TRAPPC9: variants seen among roughly 807,000 people sequenced by gnomAD.
TRAPPC9 encodes the protein IKK2 binding protein.
A neutral mutation model predicts 124.0 loss-of-function variants in TRAPPC9; 83 were observed. That is an observed-to-expected ratio of 0.67 (90% CI 0.56 to 0.80). TRAPPC9 has a LOEUF of 0.80. Ranked by LOEUF, TRAPPC9 falls within the 30% of genes least tolerant of loss-of-function variation. The probability of loss-of-function intolerance (pLI) is 0.00; values close to 1 mark genes in which losing one functional copy is unlikely to be tolerated. For missense variants in TRAPPC9, 1,302 were observed against 1,508.3 expected (o/e 0.86, Z 2.27); for synonymous variants, 638 against 617.5 (o/e 1.03, Z -0.49).
chr8:140,117,276 T>C (rs2060905701), intron 17 of TRAPPC9, among the ~76,000 whole-genome samples: 2 of 152,222 alleles, frequency 1.3e-5, no homozygotes, highest in Admixed American at 6.5e-5. Context: ...ACAGTAGTCA[T>C]GTCTTAGTCT....
intron 17 of TRAPPC9, among the ~76,000 whole-genome samples, chr8:140,057,812 A>C (rs572452234): frequency 1.3e-5 from 2 of 152,336 alleles, no homozygotes; most frequent in South Asian, 4.1e-4. Context: ...AAATTTGTTA[A>C]AAACCATCTC....
intron 21 of TRAPPC9, among the ~76,000 whole-genome samples, chr8:139,809,934 G>A (rs113441473): frequency 3.8e-4 from 58 of 152,220 alleles, no homozygotes; most frequent in African/African-American, 1.3e-3. Context: ...CCTGACTCCT[G>A]TGTGCGCTGA....
chr8:140,272,116 A>AATGATGATGGTGGTG (rs1554657918), intron 15 of TRAPPC9, among the ~76,000 whole-genome samples: 1 of 120,118 alleles, frequency 8.3e-6, no homozygotes. Context: ...TGGTGGTGGC[A>AATGATGATGGTGGTG]ATGGTGATGG....
intron 17 of TRAPPC9, among the ~76,000 whole-genome samples, chr8:140,190,087 A>G (rs1200315396): frequency 6.6e-6 from 1 of 152,222 alleles, no homozygotes; most frequent in Non-Finnish European, 1.5e-5. Context: ...CCACTGTCCT[A>G]TACCAGGAGC....
intron 21 of TRAPPC9, among the ~76,000 whole-genome samples, chr8:139,830,372 CAT>C (rs1424241537): frequency 6.6e-6 from 1 of 151,856 alleles, no homozygotes; most frequent in Non-Finnish European, 1.5e-5. Context: ...ACACGCTACA[CAT>C]ACACACACAT....
At chr8:140,343,619 C>CA (rs2132072752) in intron 9 of TRAPPC9, among the ~76,000 whole-genome samples, 1 of 152,274 alleles carries the variant, frequency 6.6e-6, no homozygotes, top group South Asian at 2.1e-4. Context: ...CAGAAACAGA[C>CA]AAAGACCCAC....
At chr8:140,221,020 T>C (rs1380589508) in intron 17 of TRAPPC9, among the ~76,000 whole-genome samples, 1 of 152,214 alleles carries the variant, frequency 6.6e-6, no homozygotes, top group East Asian at 1.9e-4. Context: ...GGCACGTAGC[T>C]TTGCACTGAC....
intron 17 of TRAPPC9, among the ~76,000 whole-genome samples, chr8:140,059,903 A>G (rs989767304): frequency 1.3e-5 from 2 of 152,170 alleles, no homozygotes; most frequent in African/African-American, 4.8e-5. Context: ...TTAAATTCTT[A>G]AGCATAATTC....
chr8:139,842,938 A>C (rs1287096803), intron 21 of TRAPPC9, among the ~76,000 whole-genome samples: 1 of 152,256 alleles, frequency 6.6e-6, no homozygotes, highest in Non-Finnish European at 1.5e-5. Flanking sequence ...AGGTCCGGGC[A>C]GGTGAAGGAA....
chr8:140,107,526 G>A (rs944515672), intron 17 of TRAPPC9, among the ~76,000 whole-genome samples: 3 of 152,342 alleles, frequency 2.0e-5, no homozygotes, highest in South Asian at 2.1e-4. Flanking sequence ...ATGTAGCCAA[G>A]CCGTCCAGAA....
At chr8:140,090,222 G>C (rs549194867) in intron 17 of TRAPPC9, among the ~76,000 whole-genome samples, 4 of 152,158 alleles carry the variant, frequency 2.6e-5, no homozygotes, top group African/African-American at 4.8e-5. Context: ...GAGTGTGTCT[G>C]TATGAATTCA....
chr8:140,435,965 T>G (rs948332527), intron 3 of TRAPPC9, among the ~76,000 whole-genome samples: 1 of 152,230 alleles, frequency 6.6e-6, no homozygotes. Context: ...ACAAAGAGCT[T>G]TTTTTGTGAT....
At chr8:140,424,805 G>A (rs1029826386) in intron 5 of TRAPPC9, among the ~76,000 whole-genome samples, 2 of 152,106 alleles carry the variant, frequency 1.3e-5, no homozygotes, top group South Asian at 2.1e-4. Flanking sequence ...AGGAGCCCCC[G>A]AAAACCGTGA....
chr8:140,319,864 G>T (rs1184185987), intron 9 of TRAPPC9, among the ~76,000 whole-genome samples: 1 of 152,204 alleles, frequency 6.6e-6, no homozygotes, highest in South Asian at 2.1e-4. Context: ...GATCAGAAAT[G>T]ATTTACGGCC....
chr8:139,827,513 C>G (rs115229725), intron 21 of TRAPPC9, among the ~76,000 whole-genome samples: 1 of 152,206 alleles, frequency 6.6e-6, no homozygotes, highest in Non-Finnish European at 1.5e-5. Flanking sequence ...CCACAGAGAC[C>G]GCGTTGGCTT....
intron 12 of TRAPPC9, among the ~76,000 whole-genome samples, chr8:140,290,658 T>C (rs1220576660): frequency 2.0e-5 from 3 of 152,184 alleles, no homozygotes; most frequent in Non-Finnish European, 2.9e-5. Flanking sequence ...GCTGATACCG[T>C]TGAGTAGCAG....
chr8:139,796,702 C>T (rs1029031532), intron 21 of TRAPPC9, among the ~76,000 whole-genome samples: 6 of 152,284 alleles, frequency 3.9e-5, no homozygotes, highest in Middle Eastern at 3.4e-3. Flanking sequence ...TTATGAACAA[C>T]GGTGCTATGA....
chr8:140,062,268 G>A (rs901240795), intron 17 of TRAPPC9, among the ~76,000 whole-genome samples: 8 of 152,174 alleles, frequency 5.3e-5, no homozygotes, highest in Middle Eastern at 6.8e-3. Flanking sequence ...CCCCTCCTCC[G>A]AGATCTCTGA....
intron 19 of TRAPPC9, among the ~76,000 whole-genome samples, chr8:139,969,517 G>A (rs1835925367): frequency 6.6e-6 from 1 of 152,192 alleles, no homozygotes; most frequent in South Asian, 2.1e-4. Flanking sequence ...GCGCCACCTG[G>A]GGCAAGGGGC....
Sources: gnomAD v4.1 joint callset for allele counts (sites outside exome capture counted in the v4.1 genomes callset) on GRCh38, gnomAD v4.1.1 for gene constraint, MANE v1.5 for transcripts, NCBI Gene and HGNC (gene_info 2026-07-23, HGNC 2026-07-21) for gene names.